Variants in SEC16A observed in about 807,000 individuals in gnomAD.
The protein encoded by SEC16A is SEC16 homolog A, endoplasmic reticulum export factor.
Under a neutral mutation model 221.9 loss-of-function variants are expected in SEC16A, and 110 were observed. That is an observed-to-expected ratio of 0.50 (90% CI 0.42 to 0.58). SEC16A has a LOEUF of 0.58. Among genes scored for constraint, SEC16A ranks in the 20% least tolerant of loss-of-function variants. The pLI is 0.00. For missense variants in SEC16A, 3,165 were observed against 3,097.8 expected, an observed-to-expected ratio of 1.02 and a Z score of -0.52; for synonymous variants, 1,393 against 1,257.7, an observed-to-expected ratio of 1.11 and a Z score of -2.28.
In SEC16A at chr9:136,445,525, C is replaced by T; in HGVS notation, c.6867+120G>A. 5.3e-6 allele frequency: 4 copies of T among 760,018 alleles called. No individual in the cohort carries two copies. The South Asian group carries it at 6.5e-5, about 12-fold the overall frequency. The allele number at this position is 760,018 out of a possible 1,614,324, so 47.1% of individuals were successfully genotyped here. A position where few individuals can be genotyped will look rare whatever the true frequency, so the allele number is the denominator to read the frequency against. ...CCAGGAACACCACCTTCGAGGTGCT[C>T]TTGTTTCTAAACTGCCTCTTCCTAC... On this transcript the variant is annotated intron_variant, in intron 29 of 31. Coordinates refer to ENST00000684901, the MANE Select transcript of SEC16A (RefSeq NM_014866.2).
At chr9:136,452,501 C>T (rs1417227011) in intron 22 of SEC16A, among the ~76,000 whole-genome samples, 1 of 133,896 alleles carries the variant, frequency 7.5e-6, no homozygotes, top group African/African-American at 2.8e-5. Context: ...TGCAGTGGTT[C>T]ACACCTTAAT....
Position 136,458,015 on chromosome 9 carries a change from G to C in SEC16A, c.5410-431C>G, listed in dbSNP as rs182832286. The stretch of plus-strand genomic sequence containing the variant: ...TTTGTCACCCAGTCTGGAGTGCAGT[G>C]GCACAATCACAGCTCACTGCAGCCT... On this transcript the variant is annotated intron_variant, in intron 17 of 31. Coordinates refer to ENST00000684901, the MANE Select transcript of SEC16A (RefSeq NM_014866.2). Among the ~76,000 whole-genome samples, 483 of 152,154 alleles carry C rather than the reference G, an allele frequency of 3.2e-3. 4 individuals are homozygous for C. Among genetic ancestry groups the C allele is most frequent in the African/African-American group, 0.011 (459 of 41,524 alleles).
chr9:136,452,769 G>GAAAA (rs35228326), intron 22 of SEC16A, among the ~76,000 whole-genome samples: 1 of 77,936 alleles, frequency 1.3e-5, no homozygotes, highest in Non-Finnish European at 2.4e-5. Flanking sequence ...ATGTCTTAGG[G>GAAAA]AAAAAAAAAA....
In SEC16A at chr9:136,451,376, G is replaced by A. The variant is rs376849328; in HGVS notation, c.6192C>T (p.Ala2064=). Residue 2064 remains alanine, a synonymous_variant, in exon 23 of 32, where the codon GCC becomes GCT. Coordinates refer to ENST00000684901, the MANE Select transcript of SEC16A (RefSeq NM_014866.2). ...TPSRTVPDSE[A]PPGWDRADSG... ...AGTCGGCACGATCCCACCCTGGGGG[G>A]GCCTCCGAGTCTGGCACCGTCCTCG... is the stretch of plus-strand genomic sequence containing the variant. 15 of 1,612,064 alleles carry A rather than the reference G, an allele frequency of 9.3e-6. No individual in the cohort carries two copies. The South Asian group carries it at 1.2e-4, about 13-fold the overall frequency.
In SEC16A at chr9:136,474,716, A is replaced by T; in HGVS notation, c.2900T>A (p.Val967Asp). Reference sequence around the variant, plus strand: ...CACCAGGGTGCCGTGTGCAGGTGGAACTAACACCACACTTGTGCTTCCAGC... The same window carrying T: ...CACCAGGGTGCCGTGTGCAGGTGGATCTAACACCACACTTGTGCTTCCAGC... Reference protein sequence around the residue: ...SPAGSTSVVLVPPAHGTLVPD... With the variant: ...SPAGSTSVVLDPPAHGTLVPD... The change falls in exon 3 of 32, where the codon GTT becomes GAT. Residue 967 changes from valine (V) to aspartate (D), a missense_variant. By Grantham distance (152) the Val-to-Asp change is radical (BLOSUM62 -3). Transcript: ENST00000684901. 6.2e-7 allele frequency: 1 copy of T among 1,613,856 alleles called. No homozygotes were observed. Among genetic ancestry groups the T allele is most frequent in the African/African-American group, 1.3e-5 (1 of 75,046 alleles).
chr9:136,450,247 A>G (rs1399500771), intron 23 of SEC16A, among the ~76,000 whole-genome samples: 3 of 152,182 alleles, frequency 2.0e-5, no homozygotes, highest in Non-Finnish European at 2.9e-5. Flanking sequence ...ATTACAAGTA[A>G]AAAGGCAATC....
intron 17 of SEC16A, among the ~76,000 whole-genome samples, chr9:136,458,346 C>CG (rs1838996535): frequency 6.6e-6 from 1 of 152,028 alleles, no homozygotes; most frequent in Non-Finnish European, 1.5e-5. Context: ...ATAGCTCGTA[C>CG]GGCTGGGCGC....
rs1837211897 is a variant in SEC16A, at chr9:136,447,747, A to T, written c.6448-67T>A. The T allele has an allele frequency of 1.3e-6, 2 of 1,547,712 alleles. No homozygotes were observed. Among genetic ancestry groups the T allele is most frequent in the East Asian group, 4.5e-5 (2 of 44,414 alleles). ...AGAAACCCACTGGGATGGCACAGTCAGGAGGCTCCAAAAGGGGCAACAGCC... is the reference window on the plus strand; with the variant it reads ...AGAAACCCACTGGGATGGCACAGTCTGGAGGCTCCAAAAGGGGCAACAGCC... On this transcript the variant is annotated intron_variant, in intron 25 of 31. Transcript: ENST00000684901. This position sits in a 1 kb window ranked among gnomAD's most constrained non-coding sequence, Gnocchi z 5.5.
intron 12 of SEC16A, among the ~76,000 whole-genome samples, chr9:136,461,772 G>A (rs1787643982): frequency 6.6e-6 from 1 of 152,140 alleles, no homozygotes; most frequent in African/African-American, 2.4e-5. Context: ...AAGCTAACAG[G>A]TTACATGACT....
At chr9:136,468,727 G>C (rs1414203345) in intron 4 of SEC16A, among the ~76,000 whole-genome samples, 1 of 152,226 alleles carries the variant, frequency 6.6e-6, no homozygotes, top group Non-Finnish European at 1.5e-5. Flanking sequence ...AAATAACTAA[G>C]AGCCGTTCGG....
At chr9:136,473,934 G>T in intron 3 of SEC16A, 115 bp downstream of exon 3, 1 of 1,168,456 alleles carries the variant, frequency 8.6e-7, no homozygotes, top group Non-Finnish European at 1.2e-6. Context: ...CTGCGGGACT[G>T]TGGGTGACCC....
At position 136,454,318 on chromosome 9, in the gene SEC16A, G is replaced by A. The variant is rs201805134; in HGVS notation, c.5867C>T (p.Thr1956Met). Residue 1956 changes from threonine to methionine, a missense_variant, in exon 21 of 32, where the codon ACG becomes ATG. Physicochemically the swap from Thr to Met is moderately conservative, Grantham distance 81. Transcript: ENST00000684901. ...ACTGGCCAATGGGCCGTCAGGGAGC[G>A]TCTGCGGAGCTGCATGGGAACGGTG... ...SVRLLPSAPQ[T>M]LPDGPLASPA... The A allele has an allele frequency of 2.5e-4, 388 of 1,574,678 alleles. 1 individual carries two copies. Among genetic ancestry groups the A allele is most frequent in the African/African-American group, 2.2e-3 (160 of 74,266 alleles).
intron 31 of SEC16A, 30 bp downstream of exon 31, chr9:136,443,793 G>T: frequency 1.3e-6 from 2 of 1,581,316 alleles, no homozygotes; most frequent in Middle Eastern, 1.7e-4. Context: ...GCGTGTTAGG[G>T]TCTCGTAGGG....
In SEC16A at chr9:136,464,702, T is replaced by C. The variant is rs1462505254; in HGVS notation, c.4304-140A>G. The C allele has an allele frequency of 7.0e-6, 5 of 714,016 alleles. No homozygotes were observed. In the East Asian group the frequency reaches 1.3e-4, roughly 18 times the overall value. The allele number at this position is 714,016 out of a possible 1,614,324, so 44.2% of individuals were successfully genotyped here. A position where few individuals can be genotyped will look rare whatever the true frequency, so the allele number is the denominator to read the frequency against. On this transcript the variant is annotated intron_variant, in intron 8 of 31. Transcript: ENST00000684901. ...CTTCCAACTCAAAAGTCGGTAATTG[T>C]TTAATATCATACTTAAAAGTAGAAC...
chr9:136,481,715 G>C (rs1326878129), intron 1 of SEC16A, among the ~76,000 whole-genome samples: 1 of 152,154 alleles, frequency 6.6e-6, no homozygotes, highest in Admixed American at 6.6e-5. Flanking sequence ...TTTACCTACT[G>C]CCTACAGTCT....
Position 136,474,231 on chromosome 9 carries a change from A to G in SEC16A, c.3385T>C (p.Ser1129Pro), listed in dbSNP as rs1173624450. 6.2e-7 allele frequency: 1 copy of G among 1,610,346 alleles called. No homozygotes were observed. The highest frequency in any genetic ancestry group is 2.2e-5 in the East Asian group (1 of 44,786). The change falls in exon 3 of 32, where the codon TCC becomes CCC. Residue 1129 changes from serine (S) to proline (P), a missense_variant. Physicochemically the swap from Ser to Pro is moderately conservative, Grantham distance 74. Around this residue, in one of 3 missense-constraint regions of SEC16A, gnomAD observed 2,030 missense variants for 1,923.1 expected, o/e 1.06. Transcript: ENST00000684901. The part of the protein sequence containing the change: ...SSSVSLVSSG[S>P]GQAAVPSEQP... The stretch of plus-strand genomic sequence containing the variant: ...TCTGACGGCACAGCTGCCTGGCCGG[A>G]GCCACTGGACACCAGAGACACGCTA...
At chr9:136,472,804 G>A (rs779231287) in intron 3 of SEC16A, among the ~76,000 whole-genome samples, 1 of 152,244 alleles carries the variant, frequency 6.6e-6, no homozygotes, top group Non-Finnish European at 1.5e-5. Flanking sequence ...CTGCCTGGCA[G>A]GAAATGTGAA....
In SEC16A at chr9:136,447,598, G is replaced by T; in HGVS notation, c.6530C>A (p.Ala2177Asp). 1 of 1,613,682 alleles carries T rather than the reference G, an allele frequency of 6.2e-7. No individual in the cohort carries two copies. Reference protein sequence around the residue: ...APPALPGPPGAPVNMYSRRAA... With the variant: ...APPALPGPPGDPVNMYSRRAA... The stretch of plus-strand genomic sequence containing the variant: ...TCTTCTAGAGTACATGTTCACGGGG[G>T]CTCCAGGAGGCCCTGGGAGGGCAGG... The change falls in exon 26 of 32, where the codon GCC becomes GAC. Residue 2177 changes from alanine (A) to aspartate (D), a missense_variant. Physicochemically the swap from Ala to Asp is moderately radical, Grantham distance 126. Transcript: ENST00000684901. This position sits in a 1 kb window ranked among gnomAD's most constrained non-coding sequence, Gnocchi z 5.5.
intron 18 of SEC16A, 28 bp downstream of exon 18, chr9:136,457,406 CAGCACAGCAT>C: frequency 6.4e-7 from 1 of 1,566,702 alleles, no homozygotes; most frequent in Non-Finnish European, 8.7e-7. Flanking sequence ...TCCCTGCAGT[CAGCACAGCAT>C]CCCGAGGACA....
Sources: allele counts gnomAD v4.1 joint callset (sites outside exome capture counted in the v4.1 genomes callset), GRCh38; gene constraint gnomAD v4.1.1; regional missense constraint gnomAD v4.1.1; non-coding constraint Gnocchi (gnomAD v3.1); transcripts MANE v1.5; gene names NCBI Gene and HGNC (gene_info 2026-07-23, HGNC 2026-07-21).